SASH1: variants seen among roughly 807,000 people sequenced by gnomAD.
The protein encoded by SASH1 is SAM and SH3 domain-containing protein 1.
SASH1 carries 44 observed loss-of-function variants against 125.2 expected under a neutral mutation model. The observed-to-expected ratio is 0.35, with a 90% CI of 0.28 to 0.45. The LOEUF is 0.45. Ranked by LOEUF, SASH1 falls within the 20% of genes least tolerant of loss-of-function variation. The pLI is 1.00. For missense variants in SASH1, 1,426 were observed against 1,614.5 expected, an observed-to-expected ratio of 0.88 and a Z score of 2.00; for synonymous variants, 639 against 649.1, an observed-to-expected ratio of 0.98 and a Z score of 0.24.
At position 148,358,737 on chromosome 6, in the gene SASH1, T is replaced by TTG. The variant is rs1554242379; in HGVS notation, c.156+15515_156+15516insGT. Reference sequence around the variant, plus strand: ...GTTTCCTAATGCCATGTTTTTGTTTTTTTTTTTTTTTTTTTTGAGACGGAG... The same window carrying TTG: ...GTTTCCTAATGCCATGTTTTTGTTTTTGTTTTTTTTTTTTTTTTGAGACGGAG... On this transcript the variant is annotated intron_variant, in intron 1 of 19. Coordinates refer to ENST00000367467, the MANE Select transcript of SASH1 (RefSeq NM_015278.5). Among the ~76,000 whole-genome samples the TTG allele has an allele frequency of 3.8e-4, 55 of 143,432 alleles. 1 individual carries two copies. Among genetic ancestry groups the TTG allele is most frequent in the East Asian group, 2.4e-3 (12 of 4,986 alleles). The allele number at this position is 143,432 out of a possible 152,430, so 94.1% of individuals were successfully genotyped here. A position where few individuals can be genotyped will look rare whatever the true frequency, so the allele number is the denominator to read the frequency against.
At chr6:148,329,359 G>A (rs1465544241) in intron 1 of SASH1, among the ~76,000 whole-genome samples, 4 of 152,138 alleles carry the variant, frequency 2.6e-5, no homozygotes, top group African/African-American at 9.7e-5. Flanking sequence ...CCTCATTCAG[G>A]CCAGCACTAG....
intron 1 of SASH1, among the ~76,000 whole-genome samples, chr6:148,287,499 T>C (rs1779512293): frequency 6.6e-6 from 1 of 152,200 alleles, no homozygotes; most frequent in Admixed American, 6.5e-5. Flanking sequence ...GTAACATCCA[T>C]CAGAGATGGC....
At chr6:148,215,047 G>A in the SASH1 span, among the ~76,000 whole-genome samples, 1 of 152,186 alleles carries the variant, frequency 6.6e-6, no homozygotes, top group Non-Finnish European at 1.5e-5. Flanking sequence ...GTGCCCAGGA[G>A]TCCAGGGATG....
At chr6:148,515,622 T>TATC (rs1220380475) in intron 9 of SASH1, among the ~76,000 whole-genome samples, 2 of 152,180 alleles carry the variant, frequency 1.3e-5, no homozygotes, top group South Asian at 4.1e-4. Flanking sequence ...TTCATTAGGG[T>TATC]ATCTTTTTGC....
intron 1 of SASH1, among the ~76,000 whole-genome samples, chr6:148,290,609 AAAG>A (rs1168608300): frequency 6.6e-6 from 1 of 152,104 alleles, no homozygotes; most frequent in Non-Finnish European, 1.5e-5. Flanking sequence ...CCGTCTCAAA[AAAG>A]AAGGAAATTA....
the SASH1 span, among the ~76,000 whole-genome samples, chr6:148,266,077 A>C: frequency 6.6e-6 from 1 of 152,020 alleles, no homozygotes; most frequent in Non-Finnish European, 1.5e-5. Flanking sequence ...GATTCAAGCA[A>C]TTCTCCTGCC....
At chr6:148,280,678 C>T (rs895193655) in intron 1 of SASH1, among the ~76,000 whole-genome samples, 1 of 152,048 alleles carries the variant, frequency 6.6e-6, no homozygotes, top group Non-Finnish European at 1.5e-5. Flanking sequence ...TGTGGTTGCA[C>T]ATGCCTATAG....
intron 1 of SASH1, among the ~76,000 whole-genome samples, chr6:148,293,752 G>A (rs1310195092): frequency 6.6e-6 from 1 of 152,174 alleles, no homozygotes; most frequent in Non-Finnish European, 1.5e-5. Flanking sequence ...ATTAGCTAGA[G>A]CTTTCCCCAA....
At position 148,519,441 on chromosome 6, in the gene SASH1, G is replaced by A. The variant is rs1372602372; in HGVS notation, c.863-106G>A. 13 of 788,444 alleles carry A rather than the reference G, an allele frequency of 1.6e-5. No homozygotes were observed. The highest frequency in any genetic ancestry group is 2.7e-5 in the Admixed American group (1 of 37,500). The allele number at this position is 788,444 out of a possible 1,614,324, so 48.8% of individuals were successfully genotyped here. ...CTGTACATATGTAAGTGGGAGCTGG[G>A]TTTATAAAGAGGGTCATGATACGGA... is the stretch of plus-strand genomic sequence containing the variant. On this transcript the variant is annotated intron_variant, in intron 9 of 19. Transcript: ENST00000367467. This position sits in a 1 kb window ranked among gnomAD's most constrained non-coding sequence, Gnocchi z 4.8.
intron 1 of SASH1, among the ~76,000 whole-genome samples, chr6:148,346,502 A>G (rs1236902019): frequency 6.7e-6 from 1 of 149,916 alleles, no homozygotes; most frequent in Non-Finnish European, 1.5e-5. Context: ...AAAAAAAAAA[A>G]TTAACTAGAT....
chr6:148,427,796 C>T (rs749295855), intron 2 of SASH1, among the ~76,000 whole-genome samples: 2 of 152,210 alleles, frequency 1.3e-5, no homozygotes, highest in Non-Finnish European at 2.9e-5. Context: ...GATTTCTGTT[C>T]CTGCCCTGGG....
intron 1 of SASH1, among the ~76,000 whole-genome samples, chr6:148,372,492 TA>T (rs565217847): frequency 6.6e-4 from 101 of 152,326 alleles, no homozygotes; most frequent in African/African-American, 1.4e-3. Context: ...TTATTGGCTT[TA>T]AAAATTATAA....
the SASH1 span, among the ~76,000 whole-genome samples, chr6:148,198,738 T>C: frequency 0.014 from 2,146 of 152,346 alleles, 45 homozygotes; most frequent in African/African-American, 0.05. Flanking sequence ...GACCTACATA[T>C]GGTTTTTATA....
At chr6:148,265,525 A>G in the SASH1 span, among the ~76,000 whole-genome samples, 1 of 152,210 alleles carries the variant, frequency 6.6e-6, no homozygotes. Flanking sequence ...TTGAACTTGT[A>G]GATTCCAGGT....
chr6:148,431,347 G>A (rs1403385316), intron 2 of SASH1, among the ~76,000 whole-genome samples: 2 of 151,920 alleles, frequency 1.3e-5, no homozygotes, highest in African/African-American at 2.4e-5. Context: ...TACAGATGCC[G>A]GCCTCCACGC....
chr6:148,363,641 C>T (rs1782337936), intron 1 of SASH1, among the ~76,000 whole-genome samples: 1 of 151,932 alleles, frequency 6.6e-6, no homozygotes, highest in South Asian at 2.1e-4. Flanking sequence ...ACCTCGTGAT[C>T]CACCCGTCTC....
At chr6:148,401,464 GTC>G (rs1562382290) in intron 2 of SASH1, among the ~76,000 whole-genome samples, 2 of 151,898 alleles carry the variant, frequency 1.3e-5, no homozygotes, top group Non-Finnish European at 2.9e-5. Flanking sequence ...CCCTTGACAG[GTC>G]AATCTGTGTA....
intron 2 of SASH1, among the ~76,000 whole-genome samples, chr6:148,427,125 G>C (rs1393461970): frequency 6.6e-6 from 1 of 152,014 alleles, no homozygotes; most frequent in African/African-American, 2.4e-5. Context: ...CTCCAGCTTG[G>C]GCAACAGAGT....
At chr6:148,504,673 ACTT>A (rs1278179587) in intron 8 of SASH1, among the ~76,000 whole-genome samples, 1 of 151,862 alleles carries the variant, frequency 6.6e-6, no homozygotes, top group African/African-American at 2.4e-5. Flanking sequence ...GGGAGTCTCA[ACTT>A]CTTCATTCCA....
Sources: gnomAD v4.1 joint callset for allele counts (sites outside exome capture counted in the v4.1 genomes callset) on GRCh38, gnomAD v4.1.1 for gene constraint, Gnocchi (gnomAD v3.1) non-coding constraint, MANE v1.5 for transcripts, NCBI Gene and HGNC (gene_info 2026-07-23, HGNC 2026-07-21) for gene names.